TMC5: variants seen among roughly 807,000 people sequenced by gnomAD.
TMC5 encodes transmembrane channel like 5.
TMC5 carries 86 observed loss-of-function variants against 110.5 expected under a neutral mutation model. The ratio of observed to expected loss-of-function variants is 0.78; its 90% confidence interval spans 0.65 to 0.93. The LOEUF (loss-of-function observed/expected upper bound fraction) is 0.93. Ranked by LOEUF, TMC5 falls within the 40% of genes least tolerant of loss-of-function variation. The probability of loss-of-function intolerance (pLI) is 0.00; values close to 1 mark genes in which losing one functional copy is unlikely to be tolerated. For synonymous variants in TMC5, 455 were observed against 439.5 expected, an observed-to-expected ratio of 1.04 and a Z score of -0.44; for missense variants, 1,144 against 1,222.8, an observed-to-expected ratio of 0.94 and a Z score of 0.96.
At chr16:19,438,046 G>C (rs556802604) in intron 2 of TMC5, among the ~76,000 whole-genome samples, 24 of 152,256 alleles carry the variant, frequency 1.6e-4, no homozygotes, top group Middle Eastern at 6.8e-3. Flanking sequence ...CCTGGACCAA[G>C]AGCGAGGGAG....
At chr16:19,497,426 C>T (rs1969085241) in intron 21 of TMC5, among the ~76,000 whole-genome samples, 1 of 152,314 alleles carries the variant, frequency 6.6e-6, no homozygotes, top group Middle Eastern at 3.4e-3. Context: ...CTAATAAGTG[C>T]AAGACAGCTT....
At chr16:19,486,891 C>A in intron 15 of TMC5, 54 bp from the exon 16 acceptor site, 1 of 1,513,080 alleles carries the variant, frequency 6.6e-7, no homozygotes, top group Non-Finnish European at 9.2e-7. Context: ...CCAGATTCAC[C>A]CCGACTCCTT....
chr16:19,414,113 C>T (rs375767606), upstream of TMC5, among the ~76,000 whole-genome samples: 117 of 152,304 alleles, frequency 7.7e-4, no homozygotes, highest in African/African-American at 2.6e-3. Context: ...CCAGCGTCTG[C>T]TCATTTATTT....
At chr16:19,496,887 C>CAAAAAA (rs67040638) in intron 20 of TMC5, among the ~76,000 whole-genome samples, 1 of 80,244 alleles carries the variant, frequency 1.2e-5, no homozygotes, top group African/African-American at 5.2e-5. Flanking sequence ...AAGACTCTGT[C>CAAAAAA]AAAAAAAAAA....
intron 10 of TMC5, among the ~76,000 whole-genome samples, chr16:19,471,019 A>G (rs1331439257): frequency 6.6e-6 from 1 of 152,114 alleles, no homozygotes; most frequent in Non-Finnish European, 1.5e-5. Context: ...CTGGGCAACA[A>G]GAGTGAAACT....
rs1335387343 is a variant in TMC5 at position 19,498,743 on chromosome 16, G to A, written c.*777G>A. The A allele has an allele frequency of 6.6e-6, 1 of 151,958 alleles. No homozygotes were observed. Among genetic ancestry groups the A allele is most frequent in the East Asian group, 1.9e-4 (1 of 5,186 alleles). 9.4% of individuals were successfully genotyped at this position (151,958 alleles called of 1,614,324 possible). ...GCTGGCAATTTTTGACAGTCTCTAC[G>A]GAGACTGAATAAGAAAAAAGAAAAG... On this transcript the variant is annotated 3_prime_UTR_variant, in exon 22 of 22. Coordinates refer to ENST00000542583, the MANE Select transcript of TMC5 (RefSeq NM_001261841.2).
At chr16:19,480,964 A>C (rs947136951) in intron 14 of TMC5, among the ~76,000 whole-genome samples, 2 of 152,148 alleles carry the variant, frequency 1.3e-5, no homozygotes, top group Non-Finnish European at 2.9e-5. Flanking sequence ...ACAGGGAAAC[A>C]TAATTTGATA....
At chr16:19,445,764 G>C (rs1439918388) in intron 4 of TMC5, among the ~76,000 whole-genome samples, 3 of 152,080 alleles carry the variant, frequency 2.0e-5, no homozygotes, top group South Asian at 4.2e-4. Context: ...GGCAGGTCTG[G>C]AAGAAGGCAG....
intron 1 of TMC5, among the ~76,000 whole-genome samples, chr16:19,422,356 C>T (rs1967003812): frequency 1.3e-5 from 2 of 152,184 alleles, no homozygotes; most frequent in South Asian, 4.2e-4. Context: ...AAAAGAGGGA[C>T]ATTTAGGATA....
chr16:19,481,518 C>A, intron 15 of TMC5, 53 bp downstream of exon 15: 1 of 1,352,206 alleles, frequency 7.4e-7, no homozygotes, highest in Non-Finnish European at 1.1e-6. Flanking sequence ...GACTGTGGAG[C>A]TGGTGTTTTG....
chr16:19,490,761 TC>T (rs61540288), intron 18 of TMC5, among the ~76,000 whole-genome samples, 193 bp downstream of exon 18: 85 of 55,866 alleles, frequency 1.5e-3, no homozygotes, highest in East Asian at 5.3e-3. Flanking sequence ...CTTCCTTCCT[TC>T]CCTTCCTTTT....
intron 2 of TMC5, among the ~76,000 whole-genome samples, chr16:19,434,023 T>A (rs1469114067): frequency 1.1e-4 from 1 of 9,116 alleles, no homozygotes; most frequent in African/African-American, 2.2e-4. Context: ...AATATATATA[T>A]AAATCTATAT....
Position 19,444,169 on chromosome 16 carries a change from C to T in TMC5, c.877C>T (p.Pro293Ser). The T allele has an allele frequency of 1.9e-6, 3 of 1,613,944 alleles. No individual in the cohort carries two copies. The highest frequency in any genetic ancestry group is 2.5e-6 in the Non-Finnish European group (3 of 1,179,992). The change falls in exon 4 of 22, where the codon CCT becomes TCT. Residue 293 changes from proline (P) to serine (S), a missense_variant. Pro to Ser is a moderately conservative substitution (Grantham distance 74). Transcript: ENST00000542583. ...CAGTCTTTGGGGAGAGAATGATTAC[C>T]CTGAAGGCATTGAAATGGCATCCAT... ...VGSLWGENDY[P>S]EGIEMASMEM...
chr16:19,423,637 T>TC (rs754611154), intron 1 of TMC5, among the ~76,000 whole-genome samples: 1 of 152,240 alleles, frequency 6.6e-6, no homozygotes, highest in Non-Finnish European at 1.5e-5. Flanking sequence ...AAAAGTTTTT[T>TC]CCCACTGTAC....
At chr16:19,484,188 GT>G (rs1316035578) in intron 15 of TMC5, among the ~76,000 whole-genome samples, 1 of 152,136 alleles carries the variant, frequency 6.6e-6, no homozygotes, top group African/African-American at 2.4e-5. Context: ...CAACGGGAAA[GT>G]TTTATTTTCT....
At chr16:19,491,825 C>G (rs1430109881) in intron 18 of TMC5, among the ~76,000 whole-genome samples, 4 of 147,648 alleles carry the variant, frequency 2.7e-5, no homozygotes, top group Admixed American at 2.0e-4. Flanking sequence ...GCATGAGCCA[C>G]CGTGCTGGGT....
chr16:19,454,634 G>A, intron 5 of TMC5, among the ~76,000 whole-genome samples: 1 of 152,158 alleles, frequency 6.6e-6, no homozygotes, highest in East Asian at 1.9e-4. Flanking sequence ...GGAATACATG[G>A]GTTCTAGTTC....
At chr16:19,481,863 C>T (rs1200960276) in intron 15 of TMC5, among the ~76,000 whole-genome samples, 1 of 151,994 alleles carries the variant, frequency 6.6e-6, no homozygotes, top group Non-Finnish European at 1.5e-5. Context: ...TTTGACATGG[C>T]CCTTAGGAAT....
chr16:19,489,251 C>T (rs894637732), intron 17 of TMC5, among the ~76,000 whole-genome samples: 2 of 152,228 alleles, frequency 1.3e-5, no homozygotes, highest in Non-Finnish European at 1.5e-5. Flanking sequence ...AGCTCAAACT[C>T]CTGGGCTCAC....
Sources: allele counts gnomAD v4.1 joint callset (sites outside exome capture counted in the v4.1 genomes callset), GRCh38; gene constraint gnomAD v4.1.1; transcripts MANE v1.5; gene names NCBI Gene and HGNC (gene_info 2026-07-23, HGNC 2026-07-21).